Variants in KIF13A observed in about 807,000 individuals in gnomAD.
The protein encoded by KIF13A is kinesin-like protein KIF13A.
Under a neutral mutation model 212.2 loss-of-function variants are expected in KIF13A, and 79 were observed. The ratio of observed to expected loss-of-function variants is 0.37; its 90% CI spans 0.31 to 0.45. The LOEUF (loss-of-function observed/expected upper bound fraction) is 0.45. Ranked by LOEUF, KIF13A falls within the 20% of genes least tolerant of loss-of-function variation. The probability of loss-of-function intolerance (pLI) is 1.00; values close to 1 mark genes in which losing one functional copy is unlikely to be tolerated. For synonymous variants in KIF13A, 789 were observed against 808.6 expected (o/e 0.98, Z 0.41); for missense variants, 1,901 against 2,209.0 (o/e 0.86, Z 2.79).
chr6:17,889,847 A>G (rs1374029770), intron 3 of KIF13A, among the ~76,000 whole-genome samples: 3 of 152,172 alleles, frequency 2.0e-5, no homozygotes, highest in Non-Finnish European at 4.4e-5. Flanking sequence ...GATTTAAATC[A>G]TCTAAGTTTA....
At chr6:17,907,746 A>C (rs1319811006) in intron 2 of KIF13A, among the ~76,000 whole-genome samples, 1 of 152,186 alleles carries the variant, frequency 6.6e-6, no homozygotes, top group Non-Finnish European at 1.5e-5. Context: ...AGTGCACAGG[A>C]TATGTTCAGG....
chr6:17,831,062 A>G (rs1158321715), intron 13 of KIF13A, 39 bp downstream of exon 13: 2 of 1,581,174 alleles, frequency 1.3e-6, no homozygotes, highest in Non-Finnish European at 1.7e-6. Flanking sequence ...CTGTATAGGA[A>G]TGAATCTTGA....
intron 2 of KIF13A, among the ~76,000 whole-genome samples, chr6:17,931,570 G>C (rs1775988840): frequency 6.6e-6 from 1 of 152,108 alleles, no homozygotes; most frequent in Non-Finnish European, 1.5e-5. Context: ...CTTTTTCTTA[G>C]AAATAGGATC....
Position 17,781,184 on chromosome 6 carries a change from T to G in KIF13A, c.3662A>C (p.Asp1221Ala). The G allele has an allele frequency of 6.2e-7, 1 of 1,613,994 alleles. No individual in the cohort carries two copies. Among genetic ancestry groups the G allele is most frequent in the Non-Finnish European group, 8.5e-7 (1 of 1,179,880 alleles). Residue 1221 changes from aspartate to alanine, a missense_variant, in exon 30 of 39, where the codon GAT (aspartate) becomes GCT (alanine). By Grantham distance (126) the Asp-to-Ala change is moderately radical. This residue lies in a region of KIF13A where 687 missense variants were observed against 759.1 expected (regional missense o/e 0.90). Coordinates refer to ENST00000259711, the MANE Select transcript of KIF13A (RefSeq NM_022113.6). ...AACTTGGGGGTTAATTACCTCATCA[T>G]CACTGTGCTTTATGATGGGCAGGTA... is the stretch of plus-strand genomic sequence containing the variant. Reference protein sequence around the residue: ...FFYLPIIKHSDDEVSATASWD... With the variant: ...FFYLPIIKHSADEVSATASWD...
chr6:17,822,016 A>T, intron 16 of KIF13A: 1 of 1,096,730 alleles, frequency 9.1e-7, no homozygotes, highest in Non-Finnish European at 1.3e-6. Flanking sequence ...AACTGGGTAA[A>T]GGATGGGGTA....
At chr6:17,847,056 A>T (rs1471562764) in intron 9 of KIF13A, among the ~76,000 whole-genome samples, 1 of 152,212 alleles carries the variant, frequency 6.6e-6, no homozygotes, top group Non-Finnish European at 1.5e-5. Flanking sequence ...GAGCATTCAG[A>T]ATAGTGCCTG....
chr6:17,773,017 C>T lies in KIF13A; in HGVS notation c.4324+461G>A, dbSNP rs143441447. Reference sequence around the variant, plus strand: ...CCAAAGAATACTGTTCCCATTAAGGCACTGGTAGACTGTATAATTTAGGTA... The same window carrying T: ...CCAAAGAATACTGTTCCCATTAAGGTACTGGTAGACTGTATAATTTAGGTA... On this transcript the variant is annotated intron_variant, in intron 36 of 38. Transcript: ENST00000259711. This position sits in a 1 kb window ranked among gnomAD's most constrained non-coding sequence, Gnocchi z 4.2. 5.9e-3 allele frequency among the ~76,000 whole-genome samples: 893 copies of T among 152,284 alleles called. 6 individuals are homozygous for T. Among genetic ancestry groups the T allele is most frequent in the African/African-American group, 0.02 (837 of 41,544 alleles).
At chr6:17,874,104 G>A (rs1297118042) in intron 3 of KIF13A, among the ~76,000 whole-genome samples, 3 of 151,996 alleles carry the variant, frequency 2.0e-5, no homozygotes, top group Non-Finnish European at 4.4e-5. Context: ...CTTCCAGGTC[G>A]ATCTCCCTCA....
chr6:17,884,132 C>T (rs1771331993), intron 3 of KIF13A, among the ~76,000 whole-genome samples: 1 of 152,156 alleles, frequency 6.6e-6, no homozygotes, highest in Non-Finnish European at 1.5e-5. Flanking sequence ...TTCTCAACTT[C>T]CTCCCTATAA....
At chr6:17,830,916 G>A (rs1177788799) in intron 13 of KIF13A, among the ~76,000 whole-genome samples, 185 bp downstream of exon 13, 2 of 151,938 alleles carry the variant, frequency 1.3e-5, no homozygotes, top group African/African-American at 4.8e-5. Flanking sequence ...CAACTGCACA[G>A]CCCCAGATGA....
At chr6:17,810,419 T>C (rs1763331865) in intron 17 of KIF13A, among the ~76,000 whole-genome samples, 1 of 152,100 alleles carries the variant, frequency 6.6e-6, no homozygotes, top group Non-Finnish European at 1.5e-5. Flanking sequence ...TGCCTAATGG[T>C]TTTTGAACTT....
chr6:17,950,926 T>C (rs1777791788), intron 2 of KIF13A: 1 of 979,280 alleles, frequency 1.0e-6, no homozygotes, highest in Admixed American at 6.1e-5. Flanking sequence ...GAGAAATCTC[T>C]AATTACTAAA....
At chr6:17,901,624 C>T (rs995812211) in intron 2 of KIF13A, among the ~76,000 whole-genome samples, 1 of 152,152 alleles carries the variant, frequency 6.6e-6, no homozygotes, top group Admixed American at 6.5e-5. Context: ...CTGAGTTCAC[C>T]CTACAAAAGC....
intron 4 of KIF13A, among the ~76,000 whole-genome samples, chr6:17,859,638 A>ATATATTTTTTTTTTTTTTTTTTT (rs1461455926): frequency 1.8e-5 from 2 of 111,856 alleles, no homozygotes; most frequent in Non-Finnish European, 3.7e-5. Context: ...ATATATATAT[A>ATATATTTTTTTTTTTTTTTTTTT]TTTTTTTTTT....
Position 17,856,183 on chromosome 6 carries a change from T to C in KIF13A, c.221-61A>G. 1 of 1,167,220 alleles carries C rather than the reference T, an allele frequency of 8.6e-7. No individual in the cohort carries two copies. Among genetic ancestry groups the C allele is most frequent in the East Asian group, 2.5e-5 (1 of 39,430 alleles). 72.3% of individuals were successfully genotyped at this position (1,167,220 alleles called of 1,614,324 possible). ...AGAATAATTTTTCTTGACATATTTG[T>C]GTTAGTAACAATATTATGTCAATTC... is the stretch of plus-strand genomic sequence containing the variant. On this transcript the variant is annotated intron_variant, in intron 4 of 38. Coordinates refer to ENST00000259711, the MANE Select transcript of KIF13A (RefSeq NM_022113.6). The surrounding 1 kb of genome is among the most constrained non-coding windows in gnomAD (Gnocchi z 4.5).
At chr6:17,896,801 A>T (rs929142026) in intron 3 of KIF13A, among the ~76,000 whole-genome samples, 1 of 152,206 alleles carries the variant, frequency 6.6e-6, no homozygotes, top group Non-Finnish European at 1.5e-5. Context: ...TCCTTCACTA[A>T]GCAGGCATAT....
chr6:17,909,467 G>T (rs183298839), intron 2 of KIF13A, among the ~76,000 whole-genome samples: 1 of 149,618 alleles, frequency 6.7e-6, no homozygotes, highest in Non-Finnish European at 1.5e-5. Context: ...CCCAGGAGGC[G>T]GAGGTTGCAG....
rs1219714287 is a variant in KIF13A, at chr6:17,855,437, C to A, written c.494G>T (p.Gly165Val). The A allele has an allele frequency of 6.2e-7, 1 of 1,606,314 alleles. No individual in the cohort carries two copies. Among genetic ancestry groups the A allele is most frequent in the Non-Finnish European group, 8.5e-7 (1 of 1,176,020 alleles). Residue 165 changes from glycine to valine, a missense_variant and splice_region_variant, in exon 6 of 39, where the codon GGG becomes GTG. By Grantham distance (109) the Gly-to-Val change is moderately radical. This residue lies in a region of KIF13A where 506 missense variants were observed against 637.4 expected (regional missense o/e 0.79). Transcript: ENST00000259711. The surrounding 1 kb of genome is among the most constrained non-coding windows in gnomAD (Gnocchi z 4.1). ...CACTTAATCTTGACCACTAACTTAC[C>A]CTTTGGGGTCTAAAAGATCCCGAAC... ...EKVRDLLDPKGSRQSLKVREH... is the reference protein window; with the variant it reads ...EKVRDLLDPKVSRQSLKVREH...
chr6:17,862,949 A>AAAAC lies in KIF13A; in HGVS notation c.221-6831_221-6828dup, dbSNP rs373182867. 7.5e-3 allele frequency among the ~76,000 whole-genome samples: 1,135 copies of AAAAC among 152,144 alleles called. 12 individuals are homozygous for AAAAC. Among genetic ancestry groups the AAAAC allele is most frequent in the African/African-American group, 0.024 (988 of 41,502 alleles). On this transcript the variant is annotated intron_variant, in intron 4 of 38. Transcript: ENST00000259711. ...GGCGACAGAGCGAGACTGCGTCTCA[A>AAAAC]AAACAAACAAACAAACAAACAAACA...
Sources: gnomAD v4.1 joint callset for allele counts (sites outside exome capture counted in the v4.1 genomes callset) on GRCh38, gnomAD v4.1.1 for gene constraint, gnomAD v4.1.1 regional missense constraint, Gnocchi (gnomAD v3.1) non-coding constraint, MANE v1.5 for transcripts, NCBI Gene and HGNC (gene_info 2026-07-23, HGNC 2026-07-21) for gene names.